FOXN3: variants seen among roughly 807,000 people sequenced by gnomAD.
FOXN3 encodes forkhead box N3.
In FOXN3, 7 loss-of-function variants were observed where a neutral mutation model predicts 38.4. The observed-to-expected ratio is 0.18, with a 90% CI of 0.10 to 0.34. The LOEUF (loss-of-function observed/expected upper bound fraction) is 0.34, where lower values mean the gene tolerates loss of function less well. FOXN3 is among the 10% of genes least tolerant of loss of function. The pLI is 1.00. For missense variants in FOXN3, 456 were observed against 613.4 expected (o/e 0.74, Z 2.71); for synonymous variants, 230 against 242.2 (o/e 0.95, Z 0.47).
rs147133205 is a variant in FOXN3 at position 89,460,393 on chromosome 14, C to T, written c.-14-47903G>A. On this transcript the variant is annotated intron_variant, in intron 1 of 6. Coordinates refer to the FOXN3 transcript ENST00000345097. ...ACTCAAGGAAACATCTAAATAACAT[C>T]CCACACCTAGTTTCTTCCGGCATAA... 5.0e-3 allele frequency among the ~76,000 whole-genome samples: 760 copies of T among 152,294 alleles called. 10 individuals are homozygous for T. The highest frequency in any genetic ancestry group is 0.018 in the African/African-American group (738 of 41,560).
At chr14:89,551,824 T>C (rs1384950460) in intron 1 of FOXN3, among the ~76,000 whole-genome samples, 1 of 152,124 alleles carries the variant, frequency 6.6e-6, no homozygotes, top group Non-Finnish European at 1.5e-5. Context: ...GTAACTCTAT[T>C]TTTAGGGCCT....
chr14:89,229,050 C>T (rs1279205620), intron 4 of FOXN3, among the ~76,000 whole-genome samples: 6 of 152,088 alleles, frequency 3.9e-5, no homozygotes, highest in East Asian at 1.9e-4. Flanking sequence ...CACCAGGCCT[C>T]GTAATAAGCA....
At chr14:89,438,651 T>G (rs1356690110) in intron 1 of FOXN3, among the ~76,000 whole-genome samples, 1 of 152,272 alleles carries the variant, frequency 6.6e-6, no homozygotes, top group Non-Finnish European at 1.5e-5. Context: ...TATTTTATTT[T>G]TCTGCATTTT....
chr14:89,437,191 CA>C lies in FOXN3; in HGVS notation c.-14-24702del, dbSNP rs367743406. ...CTCTGTCTCAAAAAACAAAACAAAA[CA>C]AAAAAAAACAGTATGGCTTAATGTC... On this transcript the variant is annotated intron_variant, in intron 1 of 6. Coordinates refer to the FOXN3 transcript ENST00000345097. 9.7e-3 allele frequency among the ~76,000 whole-genome samples: 759 copies of C among 77,906 alleles called. 12 individuals carry two copies. Among genetic ancestry groups the C allele is most frequent in the South Asian group, 0.078 (223 of 2,866 alleles). The allele number at this position is 77,906 out of a possible 152,430, so 51.1% of individuals were successfully genotyped here.
At position 89,393,214 on chromosome 14, in the gene FOXN3, TA is replaced by T. The variant is rs571834704; in HGVS notation, c.543+18719del. 4.0e-4 allele frequency among the ~76,000 whole-genome samples: 61 copies of T among 152,290 alleles called. No individual in the cohort carries two copies. In the East Asian group the frequency reaches 0.011, roughly 28 times the overall value. Reference sequence around the variant, plus strand: ...CCTCAGCCTCTCAAAATGCTGGGATTACAGGCATGAGCCACCCCACCTGGCC... The same window carrying T: ...CCTCAGCCTCTCAAAATGCTGGGATTCAGGCATGAGCCACCCCACCTGGCC... On this transcript the variant is annotated intron_variant, in intron 2 of 5. Transcript: ENST00000557258.
chr14:89,478,931 CAAA>C lies in FOXN3; in HGVS notation c.-14-66444_-14-66442del, dbSNP rs59945805. ...TGGGTGAGAGAGCGAGACTCCATCTCAAAAAAAAAAAAAAAAAAATTACCACAA... is the reference window on the plus strand; with the variant it reads ...TGGGTGAGAGAGCGAGACTCCATCTCAAAAAAAAAAAAAAAATTACCACAA... On this transcript the variant is annotated intron_variant, in intron 1 of 6. Transcript: ENST00000345097. Among the ~76,000 whole-genome samples the C allele has an allele frequency of 0.021, 1,121 of 54,276 alleles. 70 individuals are homozygous for C. In the East Asian group the frequency reaches 0.28, roughly 13 times the overall value. 35.6% of individuals were successfully genotyped at this position (54,276 alleles called of 152,430 possible). A position where few individuals can be genotyped will look rare whatever the true frequency, so the allele number is the denominator to read the frequency against.
intron 1 of FOXN3, among the ~76,000 whole-genome samples, chr14:89,600,703 C>T (rs769820786): frequency 4.6e-5 from 7 of 152,106 alleles, no homozygotes; most frequent in Non-Finnish European, 8.8e-5. Context: ...ATTGCATTAA[C>T]AGAGGAAGTT....
chr14:89,323,952 A>G (rs1213241936), intron 3 of FOXN3, among the ~76,000 whole-genome samples: 1 of 152,154 alleles, frequency 6.6e-6, no homozygotes, highest in African/African-American at 2.4e-5. Context: ...CATTAGAGGC[A>G]GGGACCTCTA....
chr14:89,157,637 A>G lies in FOXN3; in HGVS notation c.*4777T>C. Reference sequence around the variant, plus strand: ...AAAAAAGACACCATTACAGCTTTGTAACTGTGTTAACTGCAATATAAACCA... The same window carrying G: ...AAAAAAGACACCATTACAGCTTTGTGACTGTGTTAACTGCAATATAAACCA... On this transcript the variant is annotated 3_prime_UTR_variant, in exon 6 of 6. Coordinates refer to ENST00000557258, the MANE Select transcript of FOXN3 (RefSeq NM_005197.4). The G allele has an allele frequency of 6.5e-6, 1 of 152,690 alleles. No homozygotes were observed. The highest frequency in any genetic ancestry group is 1.5e-5 in the Non-Finnish European group (1 of 68,048). The allele number at this position is 152,690 out of a possible 1,614,324, so 9.5% of individuals were successfully genotyped here. A position where few individuals can be genotyped will look rare whatever the true frequency, so the allele number is the denominator to read the frequency against.
chr14:89,382,702 T>C (rs1251022468), intron 2 of FOXN3, among the ~76,000 whole-genome samples: 1 of 152,246 alleles, frequency 6.6e-6, no homozygotes, highest in Non-Finnish European at 1.5e-5. Flanking sequence ...ACCCTCAGTT[T>C]CCTCATCCAT....
upstream of FOXN3, among the ~76,000 whole-genome samples, chr14:89,418,122 C>T (rs1427653817): frequency 1.3e-5 from 2 of 152,164 alleles, no homozygotes; most frequent in East Asian, 3.9e-4. Context: ...AGGAGAGAGT[C>T]CAACAGGACA....
chr14:89,583,313 G>C (rs1895781909), intron 1 of FOXN3, among the ~76,000 whole-genome samples: 1 of 152,212 alleles, frequency 6.6e-6, no homozygotes, highest in South Asian at 2.1e-4. Flanking sequence ...CAGGTGCTCA[G>C]TTCATGAGGT....
intron 1 of FOXN3, among the ~76,000 whole-genome samples, chr14:89,477,933 C>T: frequency 6.6e-6 from 1 of 152,026 alleles, no homozygotes; most frequent in East Asian, 1.9e-4. Flanking sequence ...CCTGATGACC[C>T]CTCACAGGTT....
At chr14:89,539,006 G>C (rs1449231617) in intron 1 of FOXN3, among the ~76,000 whole-genome samples, 1 of 151,880 alleles carries the variant, frequency 6.6e-6, no homozygotes, top group Admixed American at 6.6e-5. Context: ...ACCACGTCTG[G>C]CTAATTTTTG....
At chr14:89,228,320 C>T (rs1884703493) in intron 4 of FOXN3, among the ~76,000 whole-genome samples, 1 of 152,148 alleles carries the variant, frequency 6.6e-6, no homozygotes, top group African/African-American at 2.4e-5. Flanking sequence ...CTTCAATGTA[C>T]CCTCAAGATG....
At chr14:89,226,369 G>C (rs1232939539) in intron 4 of FOXN3, among the ~76,000 whole-genome samples, 1 of 152,084 alleles carries the variant, frequency 6.6e-6, no homozygotes, top group East Asian at 1.9e-4. Flanking sequence ...GGGACTACAG[G>C]CATGTACCAC....
intron 3 of FOXN3, among the ~76,000 whole-genome samples, chr14:89,321,239 A>T (rs1887886613): frequency 6.6e-6 from 1 of 151,946 alleles, no homozygotes; most frequent in South Asian, 2.1e-4. Flanking sequence ...TGCAGTGAGC[A>T]GAGATTGCGT....
At chr14:89,208,821 G>T (rs1345799830) in intron 4 of FOXN3, among the ~76,000 whole-genome samples, 1 of 152,206 alleles carries the variant, frequency 6.6e-6, no homozygotes, top group Non-Finnish European at 1.5e-5. Context: ...CTGGATGGAG[G>T]CTGAGACAGG....
intron 2 of FOXN3, among the ~76,000 whole-genome samples, chr14:89,374,379 A>C (rs1259620508): frequency 6.6e-6 from 1 of 152,090 alleles, no homozygotes; most frequent in Non-Finnish European, 1.5e-5. Context: ...ATTTCTTATA[A>C]AGTTATACAC....
Sources: allele counts gnomAD v4.1 joint callset (sites outside exome capture counted in the v4.1 genomes callset), GRCh38; gene constraint gnomAD v4.1.1; transcripts MANE v1.5; gene names NCBI Gene and HGNC (gene_info 2026-07-23, HGNC 2026-07-21).